Variants in SREK1 observed in about 807,000 individuals in gnomAD.
SREK1 encodes splicing regulatory glutamine/lysine-rich protein 1.
Under a neutral mutation model 66.5 loss-of-function variants are expected in SREK1, and 13 were observed. The observed-to-expected ratio is 0.20, with a 90% CI of 0.13 to 0.31. The LOEUF (loss-of-function observed/expected upper bound fraction) is 0.31, where lower values mean the gene tolerates loss of function less well. Among genes scored for constraint, SREK1 ranks in the 10% least tolerant of loss-of-function variants. SREK1 has a pLI of 1.00. For missense variants in SREK1, 607 were observed against 769.6 expected (o/e 0.79, Z 2.50); for synonymous variants, 265 against 263.5 (o/e 1.01, Z -0.05).
chr5:66,178,913 A>T lies in SREK1; in HGVS notation c.*45A>T, dbSNP rs1274437321. 1 of 1,511,820 alleles carries T rather than the reference A, an allele frequency of 6.6e-7. No individual in the cohort carries two copies. The highest frequency in any genetic ancestry group is 8.9e-7 in the Non-Finnish European group (1 of 1,123,964). 93.7% of individuals were successfully genotyped at this position (1,511,820 alleles called of 1,614,324 possible). A position where few individuals can be genotyped will look rare whatever the true frequency, so the allele number is the denominator to read the frequency against. ...GCACTCAATGCTGGAATCAAATCCAAAGCTTTTAATTCTCTCAACAAGATG... is the reference window on the plus strand; with the variant it reads ...GCACTCAATGCTGGAATCAAATCCATAGCTTTTAATTCTCTCAACAAGATG... On this transcript the variant is annotated 3_prime_UTR_variant, in exon 12 of 12. Transcript: ENST00000334121.
In SREK1 at chr5:66,179,702, T is replaced by G. The variant is rs938796240; in HGVS notation, c.*834T>G. ...GCTGTAGGTGGCAAAGGTGCCCTTATAAAAAAGGAAACTGGCTTTTCAAAA... is the reference window on the plus strand; with the variant it reads ...GCTGTAGGTGGCAAAGGTGCCCTTAGAAAAAAGGAAACTGGCTTTTCAAAA... On this transcript the variant is annotated 3_prime_UTR_variant, in exon 12 of 12. Coordinates refer to ENST00000334121, the MANE Select transcript of SREK1 (RefSeq NM_001077199.3). 6.6e-6 allele frequency: 1 copy of G among 152,514 alleles called. No individual in the cohort carries two copies. Among genetic ancestry groups the G allele is most frequent in the African/African-American group, 2.4e-5 (1 of 41,442 alleles). The allele number at this position is 152,514 out of a possible 1,614,324, so 9.4% of individuals were successfully genotyped here.
intron 10 of SREK1, among the ~76,000 whole-genome samples, chr5:66,176,606 T>C (rs1746073766): frequency 1.3e-5 from 2 of 152,158 alleles, no homozygotes; most frequent in Non-Finnish European, 2.9e-5. Flanking sequence ...TCGGGCATGC[T>C]CAGGGTGATA....
chr5:66,174,854 T>G, intron 9 of SREK1, 92 bp from the exon 10 acceptor site: 14 of 1,165,614 alleles, frequency 1.2e-5, no homozygotes, highest in Non-Finnish European at 1.7e-5. Context: ...ACTGTTCATA[T>G]GAGAATATCA....
chr5:66,160,562 T>C (rs1005606987), intron 3 of SREK1, among the ~76,000 whole-genome samples: 44 of 152,298 alleles, frequency 2.9e-4, no homozygotes, highest in African/African-American at 9.6e-4. Flanking sequence ...GGACACAGAT[T>C]ATGGTAGGGC....
At chr5:66,170,281 T>A in intron 8 of SREK1, 111 bp downstream of exon 8, 2 of 1,346,488 alleles carry the variant, frequency 1.5e-6, no homozygotes, top group Non-Finnish European at 2.0e-6. Context: ...TGGTTTAGGT[T>A]TTTAATGAGA....
At chr5:66,174,669 A>G in intron 9 of SREK1, 1 of 243,218 alleles carries the variant, frequency 4.1e-6, no homozygotes. Context: ...TACTGAAGAA[A>G]TTGTTCAAAT....
intron 1 of SREK1, among the ~76,000 whole-genome samples, chr5:66,145,680 C>T (rs573286710): frequency 1.3e-5 from 2 of 151,408 alleles, no homozygotes; most frequent in South Asian, 2.1e-4. Flanking sequence ...ATTGAACATC[C>T]ATGTTCCTTT....
At chr5:66,156,809 T>TA (rs1744322810) in intron 2 of SREK1, 1 of 985,254 alleles carries the variant, frequency 1.0e-6, no homozygotes, top group African/African-American at 1.7e-5. Flanking sequence ...TTGAGAAACT[T>TA]AAGTATTTGC....
rs1329995864 is a variant in SREK1, at chr5:66,180,238, C to T, written c.*1370C>T. ...AAGTATGCAAATAGTAAAGTGACAGCACTGCTAATGTTTTTCCCCAGTACT... is the reference window on the plus strand; with the variant it reads ...AAGTATGCAAATAGTAAAGTGACAGTACTGCTAATGTTTTTCCCCAGTACT... On this transcript the variant is annotated 3_prime_UTR_variant, in exon 12 of 12. Transcript: ENST00000334121. The T allele has an allele frequency of 6.6e-6, 1 of 152,514 alleles. No individual in the cohort carries two copies. Among genetic ancestry groups the T allele is most frequent in the Non-Finnish European group, 1.5e-5 (1 of 67,982 alleles). The allele number at this position is 152,514 out of a possible 1,614,324, so 9.4% of individuals were successfully genotyped here. A position where few individuals can be genotyped will look rare whatever the true frequency, so the allele number is the denominator to read the frequency against.
At position 66,170,941 on chromosome 5, in the gene SREK1, C is replaced by G. The variant is rs868716407; in HGVS notation, c.1478C>G (p.Ser493Cys). The change falls in exon 9 of 12, where the codon TCC becomes TGC. Residue 493 changes from serine to cysteine, a missense_variant. Ser to Cys is a moderately radical substitution (Grantham distance 112). This residue lies in a region of SREK1 where 318 missense variants were observed against 310.3 expected (regional missense o/e 1.02). Coordinates refer to ENST00000334121, the MANE Select transcript of SREK1 (RefSeq NM_001077199.3). Reference protein sequence around the residue: ...SYNASRRSRSSSRERRRRRSR... With the variant: ...SYNASRRSRSCSRERRRRRSR... ...AATGCATCGCGAAGATCTCGTAGTT[C>G]CAGCAGGTTTGATAATGCTTAAAAT... is the stretch of plus-strand genomic sequence containing the variant. 5.0e-6 allele frequency: 8 copies of G among 1,596,932 alleles called. No individual in the cohort carries two copies. Among genetic ancestry groups the G allele is most frequent in the Non-Finnish European group, 6.8e-6 (8 of 1,174,560 alleles).
rs1440060467 is a variant in SREK1 at position 66,171,037 on chromosome 5, G to T, written c.1484+90G>T. 3.5e-6 allele frequency: 5 copies of T among 1,447,804 alleles called. No individual in the cohort carries two copies. The African/African-American group carries it at 4.3e-5, about 12-fold the overall frequency. The allele number at this position is 1,447,804 out of a possible 1,614,324, so 89.7% of individuals were successfully genotyped here. The stretch of plus-strand genomic sequence containing the variant: ...ACGGAGGGAGAAAAGGTTACTGTAC[G>T]CAAGTGGAACCTGTAAAGTAATATA... On this transcript the variant is annotated intron_variant, in intron 9 of 11. Transcript: ENST00000334121.
chr5:66,162,087 G>T (rs1476515021), intron 3 of SREK1, 22 bp from the exon 4 acceptor site: 29 of 1,603,518 alleles, frequency 1.8e-5, no homozygotes, highest in East Asian at 6.7e-5. Flanking sequence ...TGTTCTGTGT[G>T]TTTTTTTTCT....
intron 7 of SREK1, chr5:66,169,380 T>A (rs1218251578): frequency 6.6e-6 from 1 of 152,168 alleles, no homozygotes; most frequent in Non-Finnish European, 1.5e-5. Flanking sequence ...GCATTTTGGA[T>A]TTTTCAGTTG....
intron 1 of SREK1, among the ~76,000 whole-genome samples, chr5:66,150,321 A>G (rs1487779760): frequency 1.3e-5 from 2 of 152,212 alleles, no homozygotes; most frequent in Admixed American, 1.3e-4. Flanking sequence ...AAGATGGTTT[A>G]CCAGAAGACT....
At chr5:66,145,784 GTAAT>G (rs1489946434) in intron 1 of SREK1, among the ~76,000 whole-genome samples, 2 of 146,174 alleles carry the variant, frequency 1.4e-5, no homozygotes, top group African/African-American at 5.1e-5. Flanking sequence ...GATCTAGTAT[GTAAT>G]TAGATAACAC....
chr5:66,149,931 A>G (rs1405442213), intron 1 of SREK1, among the ~76,000 whole-genome samples: 2 of 152,246 alleles, frequency 1.3e-5, no homozygotes, highest in Non-Finnish European at 2.9e-5. Flanking sequence ...GGTATCAGCA[A>G]TCAAGATGAC....
At chr5:66,151,208 G>A (rs1299369915) in intron 1 of SREK1, among the ~76,000 whole-genome samples, 1 of 152,006 alleles carries the variant, frequency 6.6e-6, no homozygotes, top group South Asian at 2.1e-4. Context: ...TTCACTCTGG[G>A]ATGAAGTTGA....
chr5:66,177,633 T>C lies in SREK1; in HGVS notation c.1700T>C (p.Leu567Ser). The C allele has an allele frequency of 6.2e-7, 1 of 1,606,120 alleles. No individual in the cohort carries two copies. The highest frequency in any genetic ancestry group is 8.5e-7 in the Non-Finnish European group (1 of 1,177,242). ...AATGATAGAGATGGGAAGGAGAAGT[T>C]GGAGAAGAACAGTACTTCACTTAAA... ...SSNDRDGKEK[L>S]EKNSTSLKEK... The change falls in exon 11 of 12, where the codon TTG becomes TCG. Residue 567 changes from leucine (L) to serine (S), a missense_variant. Physicochemically the swap from Leu to Ser is moderately radical, Grantham distance 145. Coordinates refer to ENST00000334121, the MANE Select transcript of SREK1 (RefSeq NM_001077199.3).
rs750561063 is a variant in SREK1, at chr5:66,162,196, C to A, written c.499C>A (p.Pro167Thr). 6.2e-7 allele frequency: 1 copy of A among 1,614,036 alleles called. No homozygotes were observed. The highest frequency in any genetic ancestry group is 8.5e-7 in the Non-Finnish European group (1 of 1,179,962). The change falls in exon 4 of 12, where the codon CCA (proline) becomes ACA (threonine). Residue 167 changes from proline (P) to threonine (T), a missense_variant. By Grantham distance (38) the Pro-to-Thr change is conservative (BLOSUM62 -1). Coordinates refer to ENST00000334121, the MANE Select transcript of SREK1 (RefSeq NM_001077199.3). ...IATLGEIPQPPLMGNVDPSKI... is the reference protein window; with the variant it reads ...IATLGEIPQPTLMGNVDPSKI... Reference sequence around the variant, plus strand: ...AACACTTGGAGAGATACCACAGCCACCACTTATGGGAAACGTGGATCCTTC... The same window carrying A: ...AACACTTGGAGAGATACCACAGCCAACACTTATGGGAAACGTGGATCCTTC...
Sources: allele counts gnomAD v4.1 joint callset (sites outside exome capture counted in the v4.1 genomes callset), GRCh38; gene constraint gnomAD v4.1.1; regional missense constraint gnomAD v4.1.1; transcripts MANE v1.5; gene names NCBI Gene and HGNC (gene_info 2026-07-23, HGNC 2026-07-21).